The following CADM3 variants were observed in gnomAD, a reference collection of about 807,000 sequenced individuals.
CADM3 encodes the protein TSLC1-like 1.
In CADM3, 11 loss-of-function variants were observed where a neutral mutation model predicts 44.9. That is an observed-to-expected ratio of 0.25 (90% CI 0.15 to 0.41). The LOEUF is 0.41. CADM3 is among the 10% of genes least tolerant of loss of function. The pLI, the probability that CADM3 is intolerant of heterozygous loss-of-function variation, is 1.00. For missense variants in CADM3, 426 were observed against 512.0 expected (o/e 0.83, Z 1.62); for synonymous variants, 207 against 205.2 (o/e 1.01, Z -0.08).
At chr1:159,186,800 A>T (rs1304626665) in intron 1 of CADM3, among the ~76,000 whole-genome samples, 1 of 152,168 alleles carries the variant, frequency 6.6e-6, no homozygotes, top group Non-Finnish European at 1.5e-5. Flanking sequence ...AGAGGGAGAA[A>T]TGTCACCCCT....
At chr1:159,190,768 G>A (rs1413512063) in intron 1 of CADM3, among the ~76,000 whole-genome samples, 1 of 152,224 alleles carries the variant, frequency 6.6e-6, no homozygotes, top group Non-Finnish European at 1.5e-5. Flanking sequence ...TAAGGTAGGT[G>A]CCAAAGGGAG....
chr1:159,195,835 A>C (rs1649869186), intron 5 of CADM3: 1 of 152,824 alleles, frequency 6.5e-6, no homozygotes, highest in Non-Finnish European at 1.5e-5. Flanking sequence ...ATATTGTGTC[A>C]GTGCCTTTTT....
chr1:159,200,304 C>G (rs1650108850), intron 8 of CADM3, among the ~76,000 whole-genome samples: 1 of 152,260 alleles, frequency 6.6e-6, no homozygotes, highest in Non-Finnish European at 1.5e-5. Flanking sequence ...TCTACCTTCT[C>G]TCTTATATCC....
In CADM3 at chr1:159,177,910, G is replaced by A. The variant is rs189955953; in HGVS notation, c.88+6057G>A. ...GATTGAGATAGTATTGCTCTTATAT[G>A]ATAACAATATACAGTTGTACTTTGG... On this transcript the variant is annotated intron_variant, in intron 1 of 8. Coordinates refer to ENST00000368125, the MANE Select transcript of CADM3 (RefSeq NM_001127173.3). Among the ~76,000 whole-genome samples the A allele has an allele frequency of 1.2e-4, 18 of 152,242 alleles. No homozygotes were observed. The East Asian group carries it at 3.3e-3, about 28-fold the overall frequency.
At chr1:159,193,632 C>A in intron 4 of CADM3, 72 bp downstream of exon 4, 3 of 1,590,604 alleles carry the variant, frequency 1.9e-6, no homozygotes, top group Non-Finnish European at 2.6e-6. Context: ...TGTCTGTGAA[C>A]GTACACAGGA....
intron 1 of CADM3, among the ~76,000 whole-genome samples, chr1:159,180,835 A>G (rs1571007927): frequency 6.6e-6 from 1 of 152,074 alleles, no homozygotes; most frequent in Non-Finnish European, 1.5e-5. Flanking sequence ...AACAAATTAA[A>G]CTTTTCCACA....
rs1650275707 is a variant in CADM3, at chr1:159,202,709, C to T, written c.*1787C>T. On this transcript the variant is annotated 3_prime_UTR_variant, in exon 9 of 9. Transcript: ENST00000368125. ...CCTCCCTGGTCTGACAATGGGCATG[C>T]AAAAAGGGGCAGCTGCAATCTAGCA... is the stretch of plus-strand genomic sequence containing the variant. 6.6e-6 allele frequency: 1 copy of T among 152,008 alleles called. No homozygotes were observed. The highest frequency in any genetic ancestry group is 1.5e-5 in the Non-Finnish European group (1 of 68,016). The allele number at this position is 152,008 out of a possible 1,614,324, so 9.4% of individuals were successfully genotyped here.
intron 1 of CADM3, among the ~76,000 whole-genome samples, chr1:159,191,625 G>A (rs754856959): frequency 6.6e-6 from 1 of 152,216 alleles, no homozygotes; most frequent in African/African-American, 2.4e-5. Context: ...GACACATGTG[G>A]AGTGGTATGT....
At chr1:159,177,935 G>A (rs758669261) in intron 1 of CADM3, among the ~76,000 whole-genome samples, 2 of 152,080 alleles carry the variant, frequency 1.3e-5, no homozygotes, top group Non-Finnish European at 2.9e-5. Context: ...TTGTACTTTG[G>A]TATCCATGAA....
chr1:159,179,134 A>C (rs1395272688), intron 1 of CADM3, among the ~76,000 whole-genome samples: 3 of 152,126 alleles, frequency 2.0e-5, no homozygotes, highest in Non-Finnish European at 4.4e-5. Flanking sequence ...TCTCATGAAG[A>C]GCAGGCAGGT....
chr1:159,192,123 G>A, intron 2 of CADM3, 47 bp downstream of exon 2: 5 of 1,598,466 alleles, frequency 3.1e-6, no homozygotes, highest in Non-Finnish European at 3.4e-6. Flanking sequence ...ATGGGCTAGA[G>A]AAGGGGACTG....
chr1:159,192,030 A>G lies in CADM3; in HGVS notation c.183A>G (p.Gln61=), dbSNP rs1263607925. ...AAGATCACGAGGACTCATCCCTGCA[A>G]TGGTCTAACCCTGCTCAGCAGACTC... ...QVKDHEDSSL[Q]WSNPAQQTLY... is the part of the protein sequence containing the mutation. Residue 61 remains glutamine (Q), a synonymous_variant, in exon 2 of 9, where the codon CAA becomes CAG. Coordinates refer to ENST00000368125, the MANE Select transcript of CADM3 (RefSeq NM_001127173.3). 1.9e-6 allele frequency: 3 copies of G among 1,614,154 alleles called. No homozygotes were observed. Among genetic ancestry groups the G allele is most frequent in the African/African-American group, 2.7e-5 (2 of 75,034 alleles).
rs369601885 is a variant in CADM3 at position 159,192,667 on chromosome 1, G to A, written c.319G>A (p.Glu107Lys). Residue 107 changes from glutamate to lysine, a missense_variant, in exon 3 of 9, where the codon GAG (glutamate) becomes AAG (lysine). Transcript: ENST00000368125. Reference protein sequence around the residue: ...ISNVALADEGEYTCSIFTMPV... With the variant: ...ISNVALADEGKYTCSIFTMPV... ...CAATGTGGCCCTGGCAGACGAGGGC[G>A]AGTACACCTGCTCAATCTTCACTAT... is the stretch of plus-strand genomic sequence containing the variant. 1.5e-5 allele frequency: 24 copies of A among 1,613,986 alleles called. No homozygotes were observed. Among genetic ancestry groups the A allele is most frequent in the South Asian group, 5.5e-5 (5 of 91,064 alleles).
At chr1:159,172,273 G>C (rs987624628) in intron 1 of CADM3, among the ~76,000 whole-genome samples, 1 of 152,058 alleles carries the variant, frequency 6.6e-6, no homozygotes, top group African/African-American at 2.4e-5. Flanking sequence ...CAGTCAGGGC[G>C]TGTGTCGGGT....
intron 6 of CADM3, 160 bp from the exon 7 acceptor site, chr1:159,196,731 A>G: frequency 1.4e-6 from 1 of 719,552 alleles, no homozygotes; most frequent in Non-Finnish European, 2.3e-6. Flanking sequence ...GAACCCCAAG[A>G]GGCCACCTGG....
Position 159,197,419 on chromosome 1 carries a change from T to C in CADM3, c.952+359T>C, listed in dbSNP as rs1649951485. ...GCGCAGGTGCATTTCCTTCTCTAAC[T>C]GGCTCTTCTCAGAGTTGCTTCTCCT... On this transcript the variant is annotated intron_variant, in intron 7 of 8. Coordinates refer to ENST00000368125, the MANE Select transcript of CADM3 (RefSeq NM_001127173.3). 3.9e-5 allele frequency: 8 copies of C among 205,278 alleles called. No homozygotes were observed. The South Asian group carries it at 7.4e-4, about 19-fold the overall frequency. 12.7% of individuals were successfully genotyped at this position (205,278 alleles called of 1,614,324 possible).
intron 1 of CADM3, among the ~76,000 whole-genome samples, chr1:159,185,266 G>A (rs979881525): frequency 6.6e-6 from 1 of 152,190 alleles, no homozygotes; most frequent in African/African-American, 2.4e-5. Context: ...CAACACCACA[G>A]GTGCGCATTT....
intron 6 of CADM3, 63 bp from the exon 7 acceptor site, chr1:159,196,828 T>C: frequency 6.7e-7 from 1 of 1,485,266 alleles, no homozygotes; most frequent in African/African-American, 1.4e-5. Context: ...AGTTATTTTT[T>C]TTTTTCTTTT....
chr1:159,187,550 G>A (rs760733210), intron 1 of CADM3, among the ~76,000 whole-genome samples: 9 of 152,196 alleles, frequency 5.9e-5, no homozygotes, highest in Non-Finnish European at 1.3e-4. Flanking sequence ...ATTCGTGGTT[G>A]AAAATCCACT....
Sources: gnomAD v4.1 joint callset for allele counts (sites outside exome capture counted in the v4.1 genomes callset) on GRCh38, gnomAD v4.1.1 for gene constraint, MANE v1.5 for transcripts, NCBI Gene and HGNC (gene_info 2026-07-23, HGNC 2026-07-21) for gene names.